Variants in OR2A5 observed in about 807,000 individuals in gnomAD.
OR2A5 encodes olfactory receptor family 2 subfamily A member 5.
In OR2A5, 2 loss-of-function variants were observed where a neutral mutation model predicts 1.9. The observed-to-expected ratio is 1.04, with a 90% CI of 0.43 to 3.28. The LOEUF (loss-of-function observed/expected upper bound fraction) is 3.28. Ranked by LOEUF, OR2A5 falls within the 30% of genes most tolerant of loss-of-function variation. The pLI is 0.08. For synonymous variants in OR2A5, 160 were observed against 154.5 expected, an observed-to-expected ratio of 1.04 and a Z score of -0.26; for missense variants, 391 against 375.9, an observed-to-expected ratio of 1.04 and a Z score of -0.33.
chr7:144,050,260 A>G, intron 1 of OR2A5, 91 bp from the exon 2 acceptor site: 1 of 562,208 alleles, frequency 1.8e-6, no homozygotes, highest in Non-Finnish European at 3.1e-6. Flanking sequence ...ATGGCTCCGA[A>G]AAACCTTGCT....
rs2128798275 is a variant in OR2A5 at position 144,058,557 on chromosome 7, A to T, written c.*7220A>T. ...AGTGGAAGCAAACACATCCTTCTTC[A>T]CACGGTGGCCAGAAGAACTGCCAAG... is the stretch of plus-strand genomic sequence containing the variant. On this transcript the variant is annotated 3_prime_UTR_variant, in exon 2 of 2. Transcript: ENST00000641693. The T allele has an allele frequency of 6.6e-6, 1 of 152,438 alleles. No individual in the cohort carries two copies. The highest frequency in any genetic ancestry group is 2.4e-5 in the African/African-American group (1 of 41,548). 9.4% of individuals were successfully genotyped at this position (152,438 alleles called of 1,614,324 possible).
intron 1 of OR2A5, among the ~76,000 whole-genome samples, chr7:144,049,418 G>T (rs1041501463): frequency 6.6e-6 from 1 of 152,192 alleles, no homozygotes; most frequent in Non-Finnish European, 1.5e-5. Flanking sequence ...GACAAGCAGA[G>T]AAAATTTAAG....
Position 144,050,854 on chromosome 7 carries a change from T to C in OR2A5, c.453T>C (p.Cys151=), listed in dbSNP as rs1187723316. 2.5e-6 allele frequency: 4 copies of C among 1,614,180 alleles called. No individual in the cohort carries two copies. The highest frequency in any genetic ancestry group is 1.7e-5 in the Admixed American group (1 of 60,022). Residue 151 remains cysteine, a synonymous_variant, in exon 2 of 2, where the codon TGT becomes TGC. Transcript: ENST00000641693. ...TCCTGGCTGTCACTTCTTGGGCATGTGGTTCCCTTCTGGCCCTGGTCCATG... is the reference window on the plus strand; with the variant it reads ...TCCTGGCTGTCACTTCTTGGGCATGCGGTTCCCTTCTGGCCCTGGTCCATG... ...CTVLAVTSWA[C]GSLLALVHVV... is the part of the protein sequence containing the mutation.
rs1396227694 is a variant in OR2A5 at position 144,052,219 on chromosome 7, G to C, written c.*882G>C. The C allele has an allele frequency of 6.6e-6, 1 of 152,162 alleles. No homozygotes were observed. The highest frequency in any genetic ancestry group is 2.4e-5 in the African/African-American group (1 of 41,434). 9.4% of individuals were successfully genotyped at this position (152,162 alleles called of 1,614,324 possible). On this transcript the variant is annotated 3_prime_UTR_variant, in exon 2 of 2. Transcript: ENST00000641693. ...TAGAACCAAGAACATGTCAAGTCTTGATAAAGACTTTCAGGAACCTCAACA... is the reference window on the plus strand; with the variant it reads ...TAGAACCAAGAACATGTCAAGTCTTCATAAAGACTTTCAGGAACCTCAACA...
chr7:144,058,065 G>C lies in OR2A5; in HGVS notation c.*6728G>C, dbSNP rs2961116. The C allele has an allele frequency of 0.63, 95,449 of 152,108 alleles. 31,170 individuals are homozygous for C. The highest frequency in any genetic ancestry group is 0.81 in the African/African-American group (33,561 of 41,512). 9.4% of individuals were successfully genotyped at this position (152,108 alleles called of 1,614,324 possible). ...CCCACCTCTGCTGCAGTTGTAGCAG[G>C]CAATACGTCTGTCATCCACTCCTCA... On this transcript the variant is annotated 3_prime_UTR_variant, in exon 2 of 2. Coordinates refer to ENST00000641693, the MANE Select transcript of OR2A5 (RefSeq NM_012365.2).
At position 144,057,141 on chromosome 7, in the gene OR2A5, A is replaced by C. The variant is rs1331526081; in HGVS notation, c.*5804A>C. On this transcript the variant is annotated 3_prime_UTR_variant, in exon 2 of 2. Coordinates refer to ENST00000641693, the MANE Select transcript of OR2A5 (RefSeq NM_012365.2). ...CTCTTCTTAAATATGAAAAAAATTC[A>C]ACTAACAGGATAAATTCTAGATGGA... 2.0e-5 allele frequency: 3 copies of C among 152,212 alleles called. No individual in the cohort carries two copies. The highest frequency in any genetic ancestry group is 4.4e-5 in the Non-Finnish European group (3 of 68,038). 9.4% of individuals were successfully genotyped at this position (152,212 alleles called of 1,614,324 possible). A position where few individuals can be genotyped will look rare whatever the true frequency, so the allele number is the denominator to read the frequency against.
rs2050916125 is a variant in OR2A5, at chr7:144,052,934, A to G, written c.*1597A>G. 6.6e-6 allele frequency: 1 copy of G among 152,232 alleles called. No individual in the cohort carries two copies. Among genetic ancestry groups the G allele is most frequent in the Admixed American group, 6.5e-5 (1 of 15,280 alleles). The allele number at this position is 152,232 out of a possible 1,614,324, so 9.4% of individuals were successfully genotyped here. On this transcript the variant is annotated 3_prime_UTR_variant, in exon 2 of 2. Coordinates refer to ENST00000641693, the MANE Select transcript of OR2A5 (RefSeq NM_012365.2). The stretch of plus-strand genomic sequence containing the variant: ...AGGACTTTCTAACTATATCTGAAAA[A>G]AATTATTACATTCCCTAAAATATGT...
rs376587323 is a variant in OR2A5 at position 144,050,376 on chromosome 7, T to A, written c.-26T>A. On this transcript the variant is annotated 5_prime_UTR_variant, in exon 2 of 2. Coordinates refer to ENST00000641693, the MANE Select transcript of OR2A5 (RefSeq NM_012365.2). ...CACATAGCTCATTGCCACAGCAGAG[T>A]CCAACGCAGGTACTGTCACAAGGGC... is the stretch of plus-strand genomic sequence containing the variant. The A allele has an allele frequency of 5.2e-5, 76 of 1,449,724 alleles. No homozygotes were observed. The highest frequency in any genetic ancestry group is 8.3e-6 in the Non-Finnish European group (9 of 1,077,962). The allele number at this position is 1,449,724 out of a possible 1,614,324, so 89.8% of individuals were successfully genotyped here. A position where few individuals can be genotyped will look rare whatever the true frequency, so the allele number is the denominator to read the frequency against.
chr7:144,049,186 G>T (rs919785220), intron 1 of OR2A5, 53 bp downstream of exon 1: 4 of 152,284 alleles, frequency 2.6e-5, no homozygotes. Context: ...CTAGGGTCTG[G>T]ATGAAGGCAG....
chr7:144,054,212 T>C lies in OR2A5; in HGVS notation c.*2875T>C, dbSNP rs1275747790. The C allele has an allele frequency of 6.6e-6, 1 of 152,204 alleles. No individual in the cohort carries two copies. Among genetic ancestry groups the C allele is most frequent in the Non-Finnish European group, 1.5e-5 (1 of 68,038 alleles). 9.4% of individuals were successfully genotyped at this position (152,204 alleles called of 1,614,324 possible). A position where few individuals can be genotyped will look rare whatever the true frequency, so the allele number is the denominator to read the frequency against. On this transcript the variant is annotated 3_prime_UTR_variant, in exon 2 of 2. Coordinates refer to ENST00000641693, the MANE Select transcript of OR2A5 (RefSeq NM_012365.2). ...CTCAATTGTGCTACAACTTGCTAAA[T>C]AGGTCTGCTTCTAGGAATAATATAG...
Position 144,056,783 on chromosome 7 carries a change from C to T in OR2A5, c.*5446C>T, listed in dbSNP as rs1164822344. ...AATTACAGAGCTTAGAAATAAAACA[C>T]GCATTCCCTGAAATAAGGACTAACT... On this transcript the variant is annotated 3_prime_UTR_variant, in exon 2 of 2. Transcript: ENST00000641693. The T allele has an allele frequency of 3.3e-5, 5 of 150,850 alleles. No individual in the cohort carries two copies. The highest frequency in any genetic ancestry group is 7.3e-5 in the African/African-American group (3 of 40,940). The allele number at this position is 150,850 out of a possible 1,614,324, so 9.3% of individuals were successfully genotyped here. A position where few individuals can be genotyped will look rare whatever the true frequency, so the allele number is the denominator to read the frequency against.
At position 144,050,793 on chromosome 7, in the gene OR2A5, A is replaced by G. The variant is rs1196526017; in HGVS notation, c.392A>G (p.Gln131Arg). The G allele has an allele frequency of 1.9e-6, 3 of 1,614,148 alleles. No homozygotes were observed. Among genetic ancestry groups the G allele is most frequent in the Non-Finnish European group, 2.5e-6 (3 of 1,180,016 alleles). The change falls in exon 2 of 2, where the codon CAA (glutamine) becomes CGA (arginine). Residue 131 changes from glutamine (Q) to arginine (R), a missense_variant. Gln to Arg is a conservative substitution (Grantham distance 43). Transcript: ENST00000641693. ...TACATGGCTATCTGCCACCCTCTGC[A>G]ATATTCTGTCATCATGAGATGGGGA... Reference protein sequence around the residue: ...DRYMAICHPLQYSVIMRWGVC... With the variant: ...DRYMAICHPLRYSVIMRWGVC...
chr7:144,058,021 A>C lies in OR2A5; in HGVS notation c.*6684A>C, dbSNP rs2050953304. 6.6e-6 allele frequency: 1 copy of C among 152,196 alleles called. No individual in the cohort carries two copies. The highest frequency in any genetic ancestry group is 2.1e-4 in the South Asian group (1 of 4,834). The allele number at this position is 152,196 out of a possible 1,614,324, so 9.4% of individuals were successfully genotyped here. ...TGTTAAAAATTCAAAAGTAGATCAC[A>C]TTTGCCATCTTTGAGCCCCCCACCT... On this transcript the variant is annotated 3_prime_UTR_variant, in exon 2 of 2. Transcript: ENST00000641693.
chr7:144,051,426 C>G lies in OR2A5; in HGVS notation c.*89C>G, dbSNP rs1327973364. 2.0e-6 allele frequency: 2 copies of G among 996,836 alleles called. No homozygotes were observed. The highest frequency in any genetic ancestry group is 3.0e-6 in the Non-Finnish European group (2 of 672,138). 61.7% of individuals were successfully genotyped at this position (996,836 alleles called of 1,614,324 possible). A position where few individuals can be genotyped will look rare whatever the true frequency, so the allele number is the denominator to read the frequency against. On this transcript the variant is annotated 3_prime_UTR_variant, in exon 2 of 2. Coordinates refer to ENST00000641693, the MANE Select transcript of OR2A5 (RefSeq NM_012365.2). ...GTGTAAATGCCTTACAGTCTCATCT[C>G]TTAGATTTCTGATATCAAGAATGTA...
chr7:144,058,039 C>T lies in OR2A5; in HGVS notation c.*6702C>T, dbSNP rs2050953369. 1 of 152,166 alleles carries T rather than the reference C, an allele frequency of 6.6e-6. No individual in the cohort carries two copies. The highest frequency in any genetic ancestry group is 2.4e-5 in the African/African-American group (1 of 41,438). 9.4% of individuals were successfully genotyped at this position (152,166 alleles called of 1,614,324 possible). A position where few individuals can be genotyped will look rare whatever the true frequency, so the allele number is the denominator to read the frequency against. ...AGATCACATTTGCCATCTTTGAGCC[C>T]CCCACCTCTGCTGCAGTTGTAGCAG... On this transcript the variant is annotated 3_prime_UTR_variant, in exon 2 of 2. Transcript: ENST00000641693.
rs561916066 is a variant in OR2A5, at chr7:144,054,997, A to G, written c.*3660A>G. Reference sequence around the variant, plus strand: ...CTCCCTGGCCTTACTATTGCCCTGGATACTAATCATATTAGGAAAGAAATA... The same window carrying G: ...CTCCCTGGCCTTACTATTGCCCTGGGTACTAATCATATTAGGAAAGAAATA... On this transcript the variant is annotated 3_prime_UTR_variant, in exon 2 of 2. Transcript: ENST00000641693. 2.6e-5 allele frequency: 4 copies of G among 152,304 alleles called. No individual in the cohort carries two copies. The highest frequency in any genetic ancestry group is 2.1e-4 in the South Asian group (1 of 4,824). The allele number at this position is 152,304 out of a possible 1,614,324, so 9.4% of individuals were successfully genotyped here.
chr7:144,050,790 T>G lies in OR2A5; in HGVS notation c.389T>G (p.Leu130Arg). Residue 130 changes from leucine to arginine, a missense_variant, in exon 2 of 2, where the codon CTG (leucine) becomes CGG (arginine). Leu to Arg is a moderately radical substitution (Grantham distance 102). Transcript: ENST00000641693. The stretch of plus-strand genomic sequence containing the variant: ...CGGTACATGGCTATCTGCCACCCTC[T>G]GCAATATTCTGTCATCATGAGATGG... ...YDRYMAICHP[L>R]QYSVIMRWGV... 1 of 1,614,240 alleles carries G rather than the reference T, an allele frequency of 6.2e-7. No individual in the cohort carries two copies. The highest frequency in any genetic ancestry group is 8.5e-7 in the Non-Finnish European group (1 of 1,180,032).
Position 144,051,025 on chromosome 7 carries a change from G to A in OR2A5, c.624G>A (p.Val208=), listed in dbSNP as rs1313492410. The A allele has an allele frequency of 5.6e-6, 9 of 1,614,078 alleles. No individual in the cohort carries two copies. The East Asian group carries it at 1.1e-4, about 20-fold the overall frequency. Residue 208 remains valine, a synonymous_variant, in exon 2 of 2, where the codon GTG becomes GTA. Transcript: ENST00000641693. ...TTGCTGCTTCAGTGTTCATCCTGGT[G>A]GGGCCGCTCTGCCTGGTGCTGGTCT... is the stretch of plus-strand genomic sequence containing the variant. The part of the protein sequence containing the change: ...VIFAASVFIL[V]GPLCLVLVSY...
chr7:144,058,824 G>A lies in OR2A5; in HGVS notation c.*7487G>A, dbSNP rs1241030106. 6 of 152,346 alleles carry A rather than the reference G, an allele frequency of 3.9e-5. No individual in the cohort carries two copies. Among genetic ancestry groups the A allele is most frequent in the Admixed American group, 3.9e-4 (6 of 15,282 alleles). The allele number at this position is 152,346 out of a possible 1,614,324, so 9.4% of individuals were successfully genotyped here. ...AGGCAGAAGAATCGCTTGAACCCAGGAGGCGGAGGTTGCAGTGAGCCGAGA... is the reference window on the plus strand; with the variant it reads ...AGGCAGAAGAATCGCTTGAACCCAGAAGGCGGAGGTTGCAGTGAGCCGAGA... On this transcript the variant is annotated 3_prime_UTR_variant, in exon 2 of 2. Transcript: ENST00000641693.
Sources: gnomAD v4.1 joint callset for allele counts (sites outside exome capture counted in the v4.1 genomes callset) on GRCh38, gnomAD v4.1.1 for gene constraint, MANE v1.5 for transcripts, NCBI Gene and HGNC (gene_info 2026-07-23, HGNC 2026-07-21) for gene names.